GRID1: variants seen among roughly 807,000 people sequenced by gnomAD.
GRID1 encodes the protein glutamate ionotropic receptor delta type subunit 1, also known as glutamate receptor ionotropic, delta-1.
A neutral mutation model predicts 98.0 loss-of-function variants in GRID1; 28 were observed. The observed-to-expected ratio is 0.29, with a 90% CI of 0.21 to 0.39. The LOEUF (loss-of-function observed/expected upper bound fraction) is 0.39. Among genes scored for constraint, GRID1 ranks in the 10% least tolerant of loss-of-function variants. The pLI is 1.00. For missense variants in GRID1, 1,111 were observed against 1,340.5 expected (o/e 0.83, Z 2.67); for synonymous variants, 553 against 538.5 (o/e 1.03, Z -0.37).
At chr10:85,812,895 C>A (rs1917149) in intron 8 of GRID1, among the ~76,000 whole-genome samples, 12,348 of 151,446 alleles carry the variant, frequency 0.082, 671 homozygotes, top group Non-Finnish European at 0.13. Context: ...TATATATATT[C>A]CCCTGCTCTC....
intron 2 of GRID1, among the ~76,000 whole-genome samples, chr10:86,259,100 G>A (rs531599735): frequency 3.7e-4 from 56 of 152,350 alleles, no homozygotes; most frequent in Non-Finnish European, 5.7e-4. Flanking sequence ...AAAGGTGGGC[G>A]CTGATGGCTG....
At chr10:85,741,942 A>C (rs953331774) in intron 8 of GRID1, among the ~76,000 whole-genome samples, 21 of 152,020 alleles carry the variant, frequency 1.4e-4, no homozygotes, top group African/African-American at 5.1e-4. Context: ...TTCACATCTC[A>C]TGGTTGGCTC....
At chr10:85,656,390 C>G (rs1347761192) in intron 12 of GRID1, among the ~76,000 whole-genome samples, 1 of 152,148 alleles carries the variant, frequency 6.6e-6, no homozygotes, top group Non-Finnish European at 1.5e-5. Context: ...CCACTGATCC[C>G]TGGGTTGCAG....
rs142292689 is a variant in GRID1 at position 86,141,996 on chromosome 10, T to G, written c.521-2972A>C. Among the ~76,000 whole-genome samples, 555 of 152,388 alleles carry G rather than the reference T, an allele frequency of 3.6e-3. 5 individuals carry two copies. Among genetic ancestry groups the G allele is most frequent in the Admixed American group, 9.1e-3 (139 of 15,310 alleles). On this transcript the variant is annotated intron_variant, in intron 3 of 15. Coordinates refer to ENST00000327946, the MANE Select transcript of GRID1 (RefSeq NM_017551.3). ...TCAGCCAAGTGACCCGCTTTGACTA[T>G]GGGACAGTAGTAAACTTGACGCAAA...
chr10:86,092,944 G>T (rs539542263), intron 4 of GRID1, among the ~76,000 whole-genome samples: 1 of 152,042 alleles, frequency 6.6e-6, no homozygotes, highest in Non-Finnish European at 1.5e-5. Context: ...ATTCAACAGC[G>T]CATGGAACTT....
chr10:86,006,702 A>AT (rs1004928648), intron 4 of GRID1, among the ~76,000 whole-genome samples: 161 of 149,486 alleles, frequency 1.1e-3, no homozygotes, highest in African/African-American at 3.2e-3. Context: ...GTAGAAAAGG[A>AT]TTTTTTTTTT....
In GRID1 at chr10:86,346,714, A is replaced by C. The variant is rs1200129866; in HGVS notation, c.235+17227T>G. ...CACGGCAGCCCCAGGCATTGGCCCC[A>C]CTAGGCAGAAGGATAAACAGAGGCT... is the stretch of plus-strand genomic sequence containing the variant. On this transcript the variant is annotated intron_variant, in intron 2 of 15. Coordinates refer to ENST00000327946, the MANE Select transcript of GRID1 (RefSeq NM_017551.3). 2.6e-5 allele frequency among the ~76,000 whole-genome samples: 4 copies of C among 152,306 alleles called. No individual in the cohort carries two copies. In the East Asian group the frequency reaches 7.7e-4, roughly 29 times the overall value.
At chr10:85,716,481 C>A (rs566654199) in intron 12 of GRID1, among the ~76,000 whole-genome samples, 40 of 151,940 alleles carry the variant, frequency 2.6e-4, no homozygotes, top group South Asian at 1.0e-3. Flanking sequence ...TTAATGGGTG[C>A]AGCACACCAA....
intron 8 of GRID1, among the ~76,000 whole-genome samples, chr10:85,732,293 A>G (rs1478257148): frequency 6.6e-6 from 1 of 152,182 alleles, no homozygotes; most frequent in Non-Finnish European, 1.5e-5. Context: ...AACAGAAGAC[A>G]TCTTGTCCTA....
intron 3 of GRID1, among the ~76,000 whole-genome samples, chr10:86,204,359 G>A (rs958947436): frequency 1.1e-4 from 16 of 152,168 alleles, no homozygotes; most frequent in African/African-American, 3.1e-4. Flanking sequence ...CCACTCTCCC[G>A]GACTTCACTG....
At chr10:85,733,934 C>A (rs1163314084) in intron 8 of GRID1, among the ~76,000 whole-genome samples, 1 of 152,084 alleles carries the variant, frequency 6.6e-6, no homozygotes, top group East Asian at 1.9e-4. Context: ...CTGATTTTAA[C>A]AGGATTTTCA....
intron 8 of GRID1, among the ~76,000 whole-genome samples, chr10:85,820,032 AGGCAGGCAGGCAGGCAGGCAGGCAGGC>A (rs1842751561): frequency 7.7e-5 from 7 of 91,492 alleles, no homozygotes; most frequent in African/African-American, 1.8e-4. Context: ...GAAGGAAGGC[AGGCAGGCAGGCAGGCAGGCAGGCAGGC>A]AGGCAGGCAG....
rs375258556 is a variant in GRID1 at position 85,865,912 on chromosome 10, C to CATATATATATATAT, written c.951+3084_951+3097dup. ...TTTAATAAAGTGTTTTACATATATACATATATATATATATATATATATATA... is the reference window on the plus strand; with the variant it reads ...TTTAATAAAGTGTTTTACATATATACATATATATATATATATATATATATATATATATATATATA... On this transcript the variant is annotated intron_variant, in intron 6 of 15. Coordinates refer to ENST00000327946, the MANE Select transcript of GRID1 (RefSeq NM_017551.3). 9.7e-4 allele frequency among the ~76,000 whole-genome samples: 81 copies of CATATATATATATAT among 83,096 alleles called. 1 individual carries two copies. Among genetic ancestry groups the CATATATATATATAT allele is most frequent in the African/African-American group, 3.0e-3 (54 of 18,004 alleles). The allele number at this position is 83,096 out of a possible 152,430, so 54.5% of individuals were successfully genotyped here.
intron 2 of GRID1, among the ~76,000 whole-genome samples, chr10:86,309,517 G>A (rs1847803997): frequency 1.3e-5 from 2 of 152,148 alleles, no homozygotes; most frequent in African/African-American, 4.8e-5. Flanking sequence ...GGCTCCCGCA[G>A]GCATTGTTTC....
rs143664937 is a variant in GRID1, at chr10:86,206,525, G to T, written c.359C>A (p.Pro120Gln). 226 of 1,614,216 alleles carry T rather than the reference G, an allele frequency of 1.4e-4. No homozygotes were observed. The highest frequency in any genetic ancestry group is 8.2e-4 in the Middle Eastern group (5 of 6,062). The change falls in exon 3 of 16, where the codon CCG (proline) becomes CAG (glutamine). Residue 120 changes from proline (P) to glutamine (Q), a missense_variant. This residue lies in a region of GRID1 where 346 missense variants were observed against 452.3 expected (regional missense o/e 0.76). Coordinates refer to ENST00000327946, the MANE Select transcript of GRID1 (RefSeq NM_017551.3). This position sits in a 1 kb window ranked among gnomAD's most constrained non-coding sequence, Gnocchi z 4.1. ...HIPHLFVQRN[P>Q]GGSPRTACHL... ...GCATGCGGTGCGTGGCGACCCTCCC[G>T]GGTTGCGCTGGACAAAGAGGTGTGG...
chr10:86,232,462 A>G (rs1048691011), intron 2 of GRID1, among the ~76,000 whole-genome samples: 1 of 152,192 alleles, frequency 6.6e-6, no homozygotes, highest in African/African-American at 2.4e-5. Flanking sequence ...TCAAGGCAGG[A>G]GTCGATACAG....
At chr10:86,038,493 T>G (rs1301231428) in intron 4 of GRID1, among the ~76,000 whole-genome samples, 2 of 152,182 alleles carry the variant, frequency 1.3e-5, no homozygotes, top group African/African-American at 4.8e-5. Context: ...AAATGTACAA[T>G]CATGTGCAGA....
intron 12 of GRID1, among the ~76,000 whole-genome samples, chr10:85,664,476 G>C (rs1840998078): frequency 6.6e-6 from 1 of 152,112 alleles, no homozygotes; most frequent in Admixed American, 6.6e-5. Flanking sequence ...TCTGTTTCCA[G>C]TTTTTTATCT....
At chr10:85,739,927 T>G (rs1031892597) in intron 8 of GRID1, among the ~76,000 whole-genome samples, 1 of 152,162 alleles carries the variant, frequency 6.6e-6, no homozygotes, top group Admixed American at 6.5e-5. Context: ...GGTAGAGCAA[T>G]GGGATTATAA....
Sources: allele counts gnomAD v4.1 joint callset (sites outside exome capture counted in the v4.1 genomes callset), GRCh38; gene constraint gnomAD v4.1.1; regional missense constraint gnomAD v4.1.1; non-coding constraint Gnocchi (gnomAD v3.1); transcripts MANE v1.5; gene names NCBI Gene and HGNC (gene_info 2026-07-23, HGNC 2026-07-21).